KIF26B: variants seen among roughly 807,000 people sequenced by gnomAD.
KIF26B encodes kinesin-like protein KIF26B.
Under a neutral mutation model 151.2 loss-of-function variants are expected in KIF26B, and 63 were observed. The observed-to-expected ratio is 0.42, with a 90% CI of 0.34 to 0.51. The LOEUF (loss-of-function observed/expected upper bound fraction) is 0.51, where lower values mean the gene tolerates loss of function less well. Ranked by LOEUF, KIF26B falls within the 20% of genes least tolerant of loss-of-function variation. KIF26B has a pLI of 0.07. For missense variants in KIF26B, 2,813 were observed against 2,913.6 expected (o/e 0.97, Z 0.79); for synonymous variants, 1,357 against 1,262.1 (o/e 1.08, Z -1.59).
chr1:245,216,210 AAAACAC>A (rs1193297030), intron 2 of KIF26B: 1 of 149,804 alleles, frequency 6.7e-6, no homozygotes, highest in African/African-American at 2.5e-5. Flanking sequence ...TTAAAAAAAA[AAAACAC>A]ACACACACAA....
At chr1:245,162,375 C>CTTTTTTTTTTTT (rs138853411) in intron 2 of KIF26B, among the ~76,000 whole-genome samples, 1 of 76,494 alleles carries the variant, frequency 1.3e-5, no homozygotes, top group African/African-American at 5.1e-5. Flanking sequence ...TCAGAAATAT[C>CTTTTTTTTTTTT]TTTTTTTTTT....
intron 9 of KIF26B, among the ~76,000 whole-genome samples, chr1:245,617,788 C>T (rs1400193321): frequency 6.6e-6 from 1 of 152,196 alleles, no homozygotes; most frequent in African/African-American, 2.4e-5. Context: ...CTCCTGGCCA[C>T]TCTCAGCAGG....
Position 245,484,962 on chromosome 1 carries a change from C to T in KIF26B, c.1167-55805C>T, listed in dbSNP as rs1005679257. On this transcript the variant is annotated intron_variant, in intron 4 of 14. Transcript: ENST00000407071. ...TTCCCAATGGAAATAGAAATAAACACAACACTGACCAAGTATTCAACAGAG... is the reference window on the plus strand; with the variant it reads ...TTCCCAATGGAAATAGAAATAAACATAACACTGACCAAGTATTCAACAGAG... Among the ~76,000 whole-genome samples, 5 of 151,938 alleles carry T rather than the reference C, an allele frequency of 3.3e-5. No individual in the cohort carries two copies. The East Asian group carries it at 5.8e-4, about 18-fold the overall frequency.
chr1:245,398,648 G>A (rs73126094), intron 3 of KIF26B, among the ~76,000 whole-genome samples: 16 of 152,124 alleles, frequency 1.1e-4, no homozygotes, highest in African/African-American at 3.4e-4. Context: ...CATTTTCTAC[G>A]CAAAAGTCCA....
At chr1:245,504,024 G>A (rs1023661846) in intron 4 of KIF26B, among the ~76,000 whole-genome samples, 12 of 152,146 alleles carry the variant, frequency 7.9e-5, no homozygotes, top group East Asian at 1.9e-4. Context: ...GGTCGTTTTC[G>A]TATCCCCTAG....
At chr1:245,577,787 C>T (rs1196380149) in intron 5 of KIF26B, among the ~76,000 whole-genome samples, 182 of 133,112 alleles carry the variant, frequency 1.4e-3, no homozygotes, top group Admixed American at 2.3e-3. Flanking sequence ...GCGATGCATC[C>T]CCTCACCGGA....
chr1:245,555,375 G>T (rs915528440), intron 5 of KIF26B, among the ~76,000 whole-genome samples: 2 of 152,158 alleles, frequency 1.3e-5, no homozygotes, highest in Non-Finnish European at 2.9e-5. Context: ...TTCTCGCCTC[G>T]TCTCTTACGT....
At chr1:245,209,228 C>G (rs1304603671) in intron 2 of KIF26B, among the ~76,000 whole-genome samples, 1 of 151,968 alleles carries the variant, frequency 6.6e-6, no homozygotes, top group East Asian at 1.9e-4. Context: ...GGTGAAACCC[C>G]ATTTCTACTA....
chr1:245,574,870 T>C (rs2043102165), intron 5 of KIF26B, among the ~76,000 whole-genome samples: 1 of 125,616 alleles, frequency 8.0e-6, no homozygotes, highest in African/African-American at 2.9e-5. Flanking sequence ...TTTTCTTTTT[T>C]TTTTTTTTTT....
chr1:245,673,665 A>G (rs904743089), intron 10 of KIF26B: 1 of 152,266 alleles, frequency 6.6e-6, no homozygotes, highest in Non-Finnish European at 1.5e-5. Flanking sequence ...TGCCACATCA[A>G]ATATAAACTT....
rs1006600799 is a variant in KIF26B at position 245,241,545 on chromosome 1, C to T, written c.465+84862C>T. On this transcript the variant is annotated intron_variant, in intron 2 of 14. Coordinates refer to ENST00000407071, the MANE Select transcript of KIF26B (RefSeq NM_018012.4). The surrounding 1 kb of genome is among the most constrained non-coding windows in gnomAD (Gnocchi z 5.0). Reference sequence around the variant, plus strand: ...GGGCTCCCAGGTGCCTTACAGGTCACAGTCGAGGGCCTTCTTAAAAGCTGG... The same window carrying T: ...GGGCTCCCAGGTGCCTTACAGGTCATAGTCGAGGGCCTTCTTAAAAGCTGG... Among the ~76,000 whole-genome samples the T allele has an allele frequency of 3.2e-4, 48 of 152,350 alleles. No individual in the cohort carries two copies. The highest frequency in any genetic ancestry group is 1.1e-3 in the African/African-American group (47 of 41,572).
intron 5 of KIF26B, among the ~76,000 whole-genome samples, chr1:245,556,312 C>CTT (rs1553287974): frequency 1.1e-5 from 1 of 93,112 alleles, no homozygotes; most frequent in African/African-American, 3.8e-5. Flanking sequence ...TCCTCCTCCT[C>CTT]CTTCTTCTTC....
Position 245,155,131 on chromosome 1 carries a change from G to A in KIF26B, c.-294G>A. The stretch of plus-strand genomic sequence containing the variant: ...ACTGACTTGGCTGAAGAAAATGCCA[G>A]TTCTGTGGATGTGGCCGTGACAAGA... On this transcript the variant is annotated 5_prime_UTR_variant, in exon 1 of 15. Coordinates refer to ENST00000407071, the MANE Select transcript of KIF26B (RefSeq NM_018012.4). 1 of 539,174 alleles carries A rather than the reference G, an allele frequency of 1.9e-6. No individual in the cohort carries two copies. The highest frequency in any genetic ancestry group is 3.2e-6 in the Non-Finnish European group (1 of 312,228). 33.4% of individuals were successfully genotyped at this position (539,174 alleles called of 1,614,324 possible).
At chr1:245,290,117 A>G (rs977705673) in intron 2 of KIF26B, among the ~76,000 whole-genome samples, 2 of 152,140 alleles carry the variant, frequency 1.3e-5, no homozygotes, top group East Asian at 3.9e-4. Context: ...TGTCACCTCT[A>G]TATCTCCAGG....
At chr1:245,362,588 T>C (rs1389122940) in intron 2 of KIF26B, among the ~76,000 whole-genome samples, 1 of 152,026 alleles carries the variant, frequency 6.6e-6, no homozygotes, top group Non-Finnish European at 1.5e-5. Flanking sequence ...CGAGCTGGCA[T>C]GTTGGGAGTA....
chr1:245,273,220 C>A (rs1354337821), intron 2 of KIF26B, among the ~76,000 whole-genome samples: 1 of 152,034 alleles, frequency 6.6e-6, no homozygotes, highest in Non-Finnish European at 1.5e-5. Context: ...TTGAGACCAG[C>A]ATGGGCAACA....
chr1:245,591,625 A>T (rs922456325), intron 5 of KIF26B, among the ~76,000 whole-genome samples: 1 of 152,138 alleles, frequency 6.6e-6, no homozygotes. Flanking sequence ...CTGAGGTCGG[A>T]GTGGGTCATC....
chr1:245,586,566 TCTC>T (rs1458036425), intron 5 of KIF26B, among the ~76,000 whole-genome samples: 1 of 152,052 alleles, frequency 6.6e-6, no homozygotes, highest in East Asian at 1.9e-4. Flanking sequence ...ATTTCTTACT[TCTC>T]CTCCACCCTC....
intron 1 of KIF26B, among the ~76,000 whole-genome samples, 161 bp downstream of exon 1, chr1:245,155,648 C>G (rs1038018074): frequency 6.6e-6 from 1 of 152,124 alleles, no homozygotes; most frequent in Non-Finnish European, 1.5e-5. Context: ...GGGTCGGCCG[C>G]GGGGACGCCC....
Sources: gnomAD v4.1 joint callset for allele counts (sites outside exome capture counted in the v4.1 genomes callset) on GRCh38, gnomAD v4.1.1 for gene constraint, Gnocchi (gnomAD v3.1) non-coding constraint, MANE v1.5 for transcripts, NCBI Gene and HGNC (gene_info 2026-07-23, HGNC 2026-07-21) for gene names.